The following CAPZA1 variants were observed in gnomAD, a reference collection of about 807,000 sequenced individuals.
CAPZA1 encodes the protein capping actin protein of muscle Z-line subunit alpha 1, also known as F-actin-capping protein subunit alpha-1.
Under a neutral mutation model 40.8 loss-of-function variants are expected in CAPZA1, and 10 were observed. The ratio of observed to expected loss-of-function variants is 0.25; its 90% CI spans 0.15 to 0.42. The LOEUF is 0.42. Among genes scored for constraint, CAPZA1 ranks in the 10% least tolerant of loss-of-function variants. The pLI, the probability that CAPZA1 is intolerant of heterozygous loss-of-function variation, is 1.00. For synonymous variants in CAPZA1, 98 were observed against 115.0 expected (o/e 0.85, Z 0.95); for missense variants, 277 against 353.8 (o/e 0.78, Z 1.74).
In CAPZA1 at chr1:112,670,371, T is replaced by TTTTTTTTTTTTTTTG. The variant is rs1671806658; in HGVS notation, c.*249_*250insTTTTGTTTTTTTTTT. The TTTTTTTTTTTTTTTG allele has an allele frequency of 2.4e-6, 1 of 421,638 alleles. No homozygotes were observed. The highest frequency in any genetic ancestry group is 2.1e-5 in the African/African-American group (1 of 47,666). 26.1% of individuals were successfully genotyped at this position (421,638 alleles called of 1,614,324 possible). ...GTGTAAATCTTTTTTTCTTTTTTTT[T>TTTTTTTTTTTTTTTG]TTTTTTTTTTGGTTAATTCTGCCAC... On this transcript the variant is annotated 3_prime_UTR_variant, in exon 10 of 10. Transcript: ENST00000263168.
At chr1:112,620,078 C>T (rs772918012) in intron 1 of CAPZA1, 195 bp downstream of exon 1, 8 of 536,716 alleles carry the variant, frequency 1.5e-5, no homozygotes, top group Non-Finnish European at 2.0e-5. Flanking sequence ...GTTCCTCGTT[C>T]CTCGACTCTC....
chr1:112,629,438 C>T (rs1670878050), intron 1 of CAPZA1, among the ~76,000 whole-genome samples: 1 of 152,080 alleles, frequency 6.6e-6, no homozygotes, highest in African/African-American at 2.4e-5. Flanking sequence ...TTGTCTTTAC[C>T]CACTAGAATG....
chr1:112,654,072 T>C (rs529608438), intron 4 of CAPZA1, among the ~76,000 whole-genome samples: 6 of 152,338 alleles, frequency 3.9e-5, no homozygotes, highest in Admixed American at 3.9e-4. Flanking sequence ...TTTTTCATTT[T>C]TGAACCATGT....
intron 5 of CAPZA1, among the ~76,000 whole-genome samples, chr1:112,655,676 C>T (rs917677944): frequency 2.0e-5 from 3 of 152,060 alleles, no homozygotes; most frequent in African/African-American, 4.8e-5. Context: ...AATTCTCCTG[C>T]CTCAGCTTCC....
At chr1:112,668,518 A>C in intron 8 of CAPZA1, among the ~76,000 whole-genome samples, 1 of 152,068 alleles carries the variant, frequency 6.6e-6, no homozygotes, top group East Asian at 1.9e-4. Flanking sequence ...TTTGAGATGA[A>C]GTTTCGCTCT....
intron 7 of CAPZA1, among the ~76,000 whole-genome samples, chr1:112,662,352 A>G (rs868734684): frequency 3.4e-5 from 5 of 146,234 alleles, no homozygotes; most frequent in Non-Finnish European, 6.0e-5. Flanking sequence ...TTATAATAAC[A>G]TTAGTGTATT....
Position 112,670,362 on chromosome 1 carries a change from CTTTTTTTTTTTTT to C in CAPZA1, c.*237_*249del, listed in dbSNP as rs58051216. The C allele has an allele frequency of 2.0e-5, 3 of 150,222 alleles. No individual in the cohort carries two copies. The highest frequency in any genetic ancestry group is 2.4e-5 in the Non-Finnish European group (2 of 83,072). The allele number at this position is 150,222 out of a possible 1,614,324, so 9.3% of individuals were successfully genotyped here. A position where few individuals can be genotyped will look rare whatever the true frequency, so the allele number is the denominator to read the frequency against. On this transcript the variant is annotated 3_prime_UTR_variant, in exon 10 of 10. Coordinates refer to ENST00000263168, the MANE Select transcript of CAPZA1 (RefSeq NM_006135.3). ...TATATCTACGTGTAAATCTTTTTTT[CTTTTTTTTTTTTT>C]TTTTTTGGTTAATTCTGCCACATTT...
chr1:112,633,662 A>G (rs1670964131), intron 1 of CAPZA1, among the ~76,000 whole-genome samples: 1 of 152,178 alleles, frequency 6.6e-6, no homozygotes, highest in African/African-American at 2.4e-5. Context: ...CGGAATTTCC[A>G]TGCTGTTAGT....
intron 1 of CAPZA1, chr1:112,646,699 A>G (rs1671287071): frequency 6.6e-6 from 1 of 151,872 alleles, no homozygotes; most frequent in Admixed American, 6.6e-5. Context: ...CCAAAAATTA[A>G]TAGTTTTGGT....
chr1:112,643,839 T>C (rs1177873900), intron 1 of CAPZA1, among the ~76,000 whole-genome samples: 2 of 152,102 alleles, frequency 1.3e-5, no homozygotes, highest in African/African-American at 2.4e-5. Context: ...TTGTAAAGTA[T>C]TTCTGTTTTG....
intron 1 of CAPZA1, among the ~76,000 whole-genome samples, chr1:112,625,300 G>GTATA (rs201361159): frequency 6.6e-6 from 1 of 152,184 alleles, no homozygotes; most frequent in African/African-American, 2.4e-5. Context: ...AAATGATGGT[G>GTATA]TATATATATA....
At chr1:112,631,948 C>G (rs746675723) in intron 1 of CAPZA1, among the ~76,000 whole-genome samples, 3 of 152,110 alleles carry the variant, frequency 2.0e-5, no homozygotes, top group African/African-American at 7.2e-5. Context: ...GTATGAAATA[C>G]AATGACTCTT....
At chr1:112,633,381 T>C (rs955542177) in intron 1 of CAPZA1, among the ~76,000 whole-genome samples, 1 of 152,210 alleles carries the variant, frequency 6.6e-6, no homozygotes, top group African/African-American at 2.4e-5. Flanking sequence ...TTAGCATATA[T>C]CTTTCAGGTC....
chr1:112,661,518 G>T (rs1285363484), intron 7 of CAPZA1, among the ~76,000 whole-genome samples: 3 of 152,118 alleles, frequency 2.0e-5, no homozygotes, highest in Non-Finnish European at 4.4e-5. Flanking sequence ...TCTAATCTTT[G>T]TCTTGGGGTC....
intron 3 of CAPZA1, among the ~76,000 whole-genome samples, chr1:112,652,919 C>T (rs776204500): frequency 1.3e-5 from 2 of 152,196 alleles, no homozygotes; most frequent in Non-Finnish European, 2.9e-5. Flanking sequence ...ATTATTTATG[C>T]ATTCCTCTTT....
rs1671801755 is a variant in CAPZA1, at chr1:112,670,221, A to G, written c.*89A>G. On this transcript the variant is annotated 3_prime_UTR_variant, in exon 10 of 10. Transcript: ENST00000263168. ...AATAAGTGATTTATAAACAAGAGTG[A>G]TATTTTGCTAGGGCTTTCAAAGTTA... 1 of 1,490,844 alleles carries G rather than the reference A, an allele frequency of 6.7e-7. No homozygotes were observed. The highest frequency in any genetic ancestry group is 1.4e-5 in the African/African-American group (1 of 71,726). The allele number at this position is 1,490,844 out of a possible 1,614,324, so 92.4% of individuals were successfully genotyped here. A position where few individuals can be genotyped will look rare whatever the true frequency, so the allele number is the denominator to read the frequency against.
intron 8 of CAPZA1, 103 bp downstream of exon 8, chr1:112,667,248 G>T: frequency 2.5e-6 from 2 of 813,582 alleles, no homozygotes; most frequent in Admixed American, 2.5e-5. Context: ...AATTCAGTTT[G>T]CTTTTAATGT....
chr1:112,639,902 C>T (rs1333683534), intron 1 of CAPZA1, among the ~76,000 whole-genome samples: 30 of 129,996 alleles, frequency 2.3e-4, no homozygotes, highest in East Asian at 5.6e-4. Context: ...CCGCCCCGTC[C>T]GGGAGGGAGG....
intron 4 of CAPZA1, 133 bp from the exon 5 acceptor site, chr1:112,654,332 G>A: frequency 4.8e-6 from 3 of 619,012 alleles, no homozygotes; most frequent in Middle Eastern, 3.7e-4. Flanking sequence ...GGACTTGGTT[G>A]AAAAATTAAT....
Sources: gnomAD v4.1 joint callset for allele counts (sites outside exome capture counted in the v4.1 genomes callset) on GRCh38, gnomAD v4.1.1 for gene constraint, MANE v1.5 for transcripts, NCBI Gene and HGNC (gene_info 2026-07-23, HGNC 2026-07-21) for gene names.